The following PBK variants were observed in gnomAD, a reference collection of about 807,000 sequenced individuals.
PBK encodes the protein lymphokine-activated killer T-cell-originated protein kinase.
A neutral mutation model predicts 33.5 loss-of-function variants in PBK; 22 were observed. The observed-to-expected ratio is 0.66, with a 90% CI of 0.47 to 0.94. The LOEUF is 0.94. Ranked by LOEUF, PBK falls within the 40% of genes least tolerant of loss-of-function variation. The pLI is 0.00. For missense variants in PBK, 376 were observed against 383.4 expected, an observed-to-expected ratio of 0.98 and a Z score of 0.16; for synonymous variants, 129 against 123.8, an observed-to-expected ratio of 1.04 and a Z score of -0.28.
At chr8:27,823,251 C>T in intron 3 of PBK, 46 bp from the exon 4 acceptor site, 1 of 1,229,784 alleles carries the variant, frequency 8.1e-7, no homozygotes, top group Admixed American at 2.5e-5. Context: ...AATAAAACCA[C>T]AATACTTTTT....
intron 6 of PBK, chr8:27,812,016 A>C (rs1805695748): frequency 6.6e-6 from 1 of 152,212 alleles, no homozygotes; most frequent in South Asian, 2.1e-4. Context: ...CCTAAACAAC[A>C]TATCAACTGC....
rs760386214 is a variant in PBK at position 27,820,578 on chromosome 8, A to G, written c.582T>C (p.Asp194=). 1 of 1,571,312 alleles carries G rather than the reference A, an allele frequency of 6.4e-7. No homozygotes were observed. Among genetic ancestry groups the G allele is most frequent in the African/African-American group, 1.4e-5 (1 of 73,372 alleles). ...ICDVGVSLPL[D]ENMTVTDPEA... The stretch of plus-strand genomic sequence containing the variant: ...AGTACAACTTACCAGTCATATTTTC[A>G]TCCAGTGGTAGAGAGACTCCTACAT... The change falls in exon 6 of 8, where the codon GAT becomes GAC. Residue 194 remains aspartate, a synonymous_variant. Coordinates refer to ENST00000301905, the MANE Select transcript of PBK (RefSeq NM_018492.4).
chr8:27,819,254 A>G (rs1169908238), intron 6 of PBK, among the ~76,000 whole-genome samples: 1 of 152,160 alleles, frequency 6.6e-6, no homozygotes, highest in Non-Finnish European at 1.5e-5. Context: ...TGTAGAATTT[A>G]TAGGCTATCA....
chr8:27,828,407 G>A (rs1423053395), intron 2 of PBK, among the ~76,000 whole-genome samples: 2 of 152,128 alleles, frequency 1.3e-5, no homozygotes, highest in Non-Finnish European at 2.9e-5. Flanking sequence ...CAGAGATTGG[G>A]AAATGGCCTG....
intron 7 of PBK, 134 bp downstream of exon 7, chr8:27,810,824 C>T (rs1206834407): frequency 9.1e-6 from 6 of 662,178 alleles, no homozygotes; most frequent in Non-Finnish European, 1.3e-5. Flanking sequence ...ATCTATGTCT[C>T]ATTTGTGTGA....
intron 3 of PBK, among the ~76,000 whole-genome samples, chr8:27,826,797 A>G (rs1204277487): frequency 2.9e-5 from 1 of 34,010 alleles, no homozygotes; most frequent in Non-Finnish European, 5.6e-5. Context: ...CTCCGTCTCA[A>G]AAAAAAAAAA....
At chr8:27,835,617 T>C (rs539709093) in intron 1 of PBK, among the ~76,000 whole-genome samples, 1 of 151,834 alleles carries the variant, frequency 6.6e-6, no homozygotes, top group South Asian at 2.1e-4. Context: ...AATGGTGCAA[T>C]CTCGGCTCAC....
intron 6 of PBK, among the ~76,000 whole-genome samples, chr8:27,816,915 T>C (rs1176313238): frequency 6.6e-6 from 1 of 152,156 alleles, no homozygotes; most frequent in East Asian, 1.9e-4. Context: ...TTGGTGGACA[T>C]TCTCACACAT....
chr8:27,828,275 G>A (rs1806065289), intron 2 of PBK, 77 bp from the exon 3 acceptor site: 2 of 618,478 alleles, frequency 3.2e-6, no homozygotes, highest in Non-Finnish European at 5.6e-6. Context: ...ATATACTACT[G>A]CCAAGAGTAT....
At chr8:27,820,855 A>C (rs1585427553) in intron 5 of PBK, among the ~76,000 whole-genome samples, 161 bp from the exon 6 acceptor site, 1 of 146,314 alleles carries the variant, frequency 6.8e-6, no homozygotes, top group African/African-American at 2.6e-5. Flanking sequence ...ACGGAGTCTC[A>C]CTCTGTTGCC....
At chr8:27,827,589 C>T (rs1416604934) in intron 3 of PBK, among the ~76,000 whole-genome samples, 2 of 152,270 alleles carry the variant, frequency 1.3e-5, no homozygotes, top group East Asian at 3.9e-4. Context: ...TATATTGGCA[C>T]CATACTTGTT....
rs758912124 is a variant in PBK at position 27,820,709 on chromosome 8, A to T, written c.466-15T>A. On this transcript the variant is annotated splice_polypyrimidine_tract_variant and intron_variant, in intron 5 of 7. Coordinates refer to ENST00000301905, the MANE Select transcript of PBK (RefSeq NM_018492.4). ...TGGTGCAGATACTAAAATAGTAAAA[A>T]ATTTAACACATATGTGCAGAAACAC... 6.9e-7 allele frequency: 1 copy of T among 1,454,974 alleles called. No individual in the cohort carries two copies. Among genetic ancestry groups the T allele is most frequent in the Admixed American group, 2.1e-5 (1 of 48,000 alleles). The allele number at this position is 1,454,974 out of a possible 1,614,324, so 90.1% of individuals were successfully genotyped here.
intron 1 of PBK, among the ~76,000 whole-genome samples, chr8:27,835,002 T>C (rs1447421510): frequency 3.9e-5 from 6 of 152,110 alleles, no homozygotes; most frequent in Non-Finnish European, 7.3e-5. Context: ...TTTTTTATTT[T>C]AAAAATTATA....
chr8:27,833,838 G>A (rs1205626000), intron 1 of PBK, among the ~76,000 whole-genome samples: 1 of 152,018 alleles, frequency 6.6e-6, no homozygotes, highest in East Asian at 1.9e-4. Flanking sequence ...ATTCATAACA[G>A]CCAAAAGGCA....
At chr8:27,829,214 A>C (rs1806082793) in intron 2 of PBK, among the ~76,000 whole-genome samples, 1 of 151,546 alleles carries the variant, frequency 6.6e-6, no homozygotes, top group African/African-American at 2.4e-5. Context: ...CTGGGAAAGC[A>C]CCAGAGGAAA....
chr8:27,810,500 A>G lies in PBK; in HGVS notation c.774T>C (p.Asp258=). ...CAAAATCACTTTCATCAAAAGTTTT[A>G]TCTTGAAGGAGTTAGAGATTGAAAC... ...INLSNDDDDE[D]KTFDESDFDD... is the part of the protein sequence containing the mutation. The change falls in exon 8 of 8, where the codon GAT becomes GAC. Residue 258 remains aspartate, a splice_region_variant and synonymous_variant. Coordinates refer to ENST00000301905, the MANE Select transcript of PBK (RefSeq NM_018492.4). The G allele has an allele frequency of 6.3e-7, 1 of 1,587,298 alleles. No homozygotes were observed. Among genetic ancestry groups the G allele is most frequent in the Non-Finnish European group, 8.6e-7 (1 of 1,159,436 alleles).
In PBK at chr8:27,823,098, T is replaced by A. The variant is rs62001048; in HGVS notation, c.260A>T (p.Lys87Met). 5,276 of 1,595,696 alleles carry A rather than the reference T, an allele frequency of 3.3e-3. 92 individuals carry two copies. In the African/African-American group the frequency reaches 0.052, roughly 16 times the overall value. The change falls in exon 4 of 8, where the codon AAG (lysine) becomes ATG (methionine). Residue 87 changes from lysine to methionine, a missense_variant. Physicochemically the swap from Lys to Met is moderately conservative, Grantham distance 95 (BLOSUM62 -1). Transcript: ENST00000301905. ...TGGATGATGAAGGCTTTTCAAAATC[T>A]TAGCTTCATCCATTAGTCTCTTTTG... ...VYQKRLMDEA[K>M]ILKSLHHPNI...
intron 6 of PBK, among the ~76,000 whole-genome samples, chr8:27,813,879 GTGTT>G (rs1233001642): frequency 1.3e-5 from 2 of 152,106 alleles, no homozygotes; most frequent in African/African-American, 4.8e-5. Flanking sequence ...TTTGATACCT[GTGTT>G]TGTGAAGGAT....
intron 3 of PBK, among the ~76,000 whole-genome samples, chr8:27,824,038 A>C (rs1379211402): frequency 1.3e-5 from 2 of 152,114 alleles, no homozygotes; most frequent in African/African-American, 4.8e-5. Context: ...GGACTCCCTC[A>C]CAGGTATAGC....
Sources: gnomAD v4.1 joint callset for allele counts (sites outside exome capture counted in the v4.1 genomes callset) on GRCh38, gnomAD v4.1.1 for gene constraint, MANE v1.5 for transcripts, NCBI Gene and HGNC (gene_info 2026-07-23, HGNC 2026-07-21) for gene names.